The following FAM120C variants were observed in gnomAD, a reference collection of about 807,000 sequenced individuals.
The protein encoded by FAM120C is constitutive coactivator of PPAR-gamma-like protein 2.
A neutral mutation model predicts 71.2 loss-of-function variants in FAM120C; 14 were observed. The ratio of observed to expected loss-of-function variants is 0.20; its 90% CI spans 0.13 to 0.31. The LOEUF is 0.31. Among genes scored for constraint, FAM120C ranks in the 10% least tolerant of loss-of-function variants. The pLI is 1.00. For missense variants in FAM120C, 500 were observed against 879.0 expected (o/e 0.57, Z 5.45); for synonymous variants, 354 against 353.2 (o/e 1.00, Z -0.03).
At position 54,068,663 on chromosome X, in the gene FAM120C, T is replaced by G. The variant is rs1290787671; in HGVS notation, c.*4370A>C. 9.0e-6 allele frequency: 1 copy of G among 111,631 alleles called. No individual in the cohort carries two copies. The highest frequency in any genetic ancestry group is 3.3e-5 in the African/African-American group (1 of 30,684). 9.2% of individuals were successfully genotyped at this position (111,631 alleles called of 1,213,427 possible). A position where few individuals can be genotyped will look rare whatever the true frequency, so the allele number is the denominator to read the frequency against. On this transcript the variant is annotated 3_prime_UTR_variant, in exon 16 of 16. Coordinates refer to ENST00000375180, the MANE Select transcript of FAM120C (RefSeq NM_017848.6). ...AGATAGTAATACAGGAAAAAAACAATGAAATAATTTTTTACTTTTGTCAAT... is the reference window on the plus strand; with the variant it reads ...AGATAGTAATACAGGAAAAAAACAAGGAAATAATTTTTTACTTTTGTCAAT...
chrX:54,114,039 TACAC>T (rs201960191), intron 10 of FAM120C, among the ~76,000 whole-genome samples: 15,419 of 98,196 alleles, frequency 0.16, 2,197 homozygotes, highest in African/African-American at 0.45. Context: ...GAAAGTGTGA[TACAC>T]ACACACACAC....
chrX:54,129,623 C>T (rs1293725953), intron 9 of FAM120C, among the ~76,000 whole-genome samples: 1 of 112,205 alleles, frequency 8.9e-6, no homozygotes, highest in African/African-American at 3.2e-5. Context: ...GGGGTGGTGG[C>T]CAGGCAGAGG....
In FAM120C at chrX:54,073,281, A is replaced by C. The variant is rs1557120280; in HGVS notation, c.3043T>G (p.Ser1015Ala). The C allele has an allele frequency of 1.7e-6, 2 of 1,201,222 alleles. No homozygotes were observed. Among genetic ancestry groups the C allele is most frequent in the Admixed American group, 4.4e-5 (2 of 45,529 alleles). The change falls in exon 16 of 16, where the codon TCA (serine) becomes GCA (alanine). Residue 1015 changes from serine to alanine, a missense_variant. This residue lies in a region of FAM120C where 85 missense variants were observed against 96.1 expected (regional missense o/e 0.88). Coordinates refer to ENST00000375180, the MANE Select transcript of FAM120C (RefSeq NM_017848.6). ...TCCAGGGATTTAGAAACTCCATCTG[A>C]AGAGCCCTGTTAAAAACAGAGATAC... ...GHKKGNKQGS[S>A]DGVSKSLELH... is the part of the protein sequence containing the mutation.
Position 54,104,253 on chromosome X carries a change from T to C in FAM120C, c.2312+12292A>G, listed in dbSNP as rs1396537687. On this transcript the variant is annotated intron_variant, in intron 10 of 15. Transcript: ENST00000375180. ...CGCAAAGGTTCTGCCCTCCTCAAAC[T>C]GTATCAACCTTTCCTAGAAGACTCA... 3.6e-5 allele frequency among the ~76,000 whole-genome samples: 4 copies of C among 111,278 alleles called. No individual in the cohort carries two copies. In the East Asian group the frequency reaches 1.1e-3, roughly 31 times the overall value.
intron 10 of FAM120C, among the ~76,000 whole-genome samples, chrX:54,097,851 C>G (rs2066860514): frequency 9.1e-6 from 1 of 109,612 alleles, no homozygotes; most frequent in Admixed American, 9.9e-5. Context: ...CTCAGCCTCC[C>G]GAATAGCTGG....
chrX:54,126,606 T>C (rs2067028680), intron 9 of FAM120C, among the ~76,000 whole-genome samples: 1 of 112,629 alleles, frequency 8.9e-6, no homozygotes, highest in Non-Finnish European at 1.9e-5. Flanking sequence ...CTTCAGGAAG[T>C]TCCCTTCTAT....
chrX:54,161,773 G>C lies in FAM120C; in HGVS notation c.700-2157C>G, dbSNP rs782046471. Among the ~76,000 whole-genome samples the C allele has an allele frequency of 6.3e-5, 7 of 111,886 alleles. No homozygotes were observed. In the South Asian group the frequency reaches 1.5e-3, roughly 24 times the overall value. On this transcript the variant is annotated intron_variant, in intron 1 of 15. Coordinates refer to ENST00000375180, the MANE Select transcript of FAM120C (RefSeq NM_017848.6). ...CAGCCTCCTGAGTAGCCGGGGCTAC[G>C]GGCGCATGCCACCACACCTGGCTAA...
chrX:54,073,342 T>A, intron 15 of FAM120C, 55 bp from the exon 16 acceptor site: 1 of 1,125,160 alleles, frequency 8.9e-7, no homozygotes, highest in Non-Finnish European at 1.2e-6. Context: ...GGCTGACCCT[T>A]CCTAAGCATA....
At chrX:54,117,083 G>T (rs1045676606) in intron 9 of FAM120C, among the ~76,000 whole-genome samples, 1 of 110,755 alleles carries the variant, frequency 9.0e-6, no homozygotes, top group Non-Finnish European at 1.9e-5. Flanking sequence ...AAGGGGCTGG[G>T]TGTGGTGGTT....
At chrX:54,088,591 C>CAA (rs1230524883) in intron 11 of FAM120C, among the ~76,000 whole-genome samples, 638 of 32,098 alleles carry the variant, frequency 0.02, 44 homozygotes, top group South Asian at 0.055. Context: ...GACTCCATCT[C>CAA]AAAAAAAAAA....
At chrX:54,104,813 G>C (rs2066898514) in intron 10 of FAM120C, among the ~76,000 whole-genome samples, 1 of 109,130 alleles carries the variant, frequency 9.2e-6, no homozygotes, top group African/African-American at 3.4e-5. Flanking sequence ...GTCTCGGGGG[G>C]GGAAAAAAAA....
At position 54,071,835 on chromosome X, in the gene FAM120C, GTAAGAA is replaced by G. The variant is rs1341457396; in HGVS notation, c.*1192_*1197del. 1 of 109,554 alleles carries G rather than the reference GTAAGAA, an allele frequency of 9.1e-6. No homozygotes were observed. Among genetic ancestry groups the G allele is most frequent in the Non-Finnish European group, 1.9e-5 (1 of 52,654 alleles). 9.0% of individuals were successfully genotyped at this position (109,554 alleles called of 1,213,427 possible). On this transcript the variant is annotated 3_prime_UTR_variant, in exon 16 of 16. Coordinates refer to ENST00000375180, the MANE Select transcript of FAM120C (RefSeq NM_017848.6). Reference sequence around the variant, plus strand: ...ATAGTTGTGAATGCACTGTGACTTAGTAAGAATTTCAGATTAAAAGTGTGGTCTTTT... The same window carrying G: ...ATAGTTGTGAATGCACTGTGACTTAGTTTCAGATTAAAAGTGTGGTCTTTT...
At chrX:54,100,145 A>C (rs1283909995) in intron 10 of FAM120C, among the ~76,000 whole-genome samples, 1 of 110,915 alleles carries the variant, frequency 9.0e-6, no homozygotes, top group African/African-American at 3.3e-5. Flanking sequence ...CAGGAGTTTG[A>C]GACCAGCCTA....
At position 54,087,979 on chromosome X, in the gene FAM120C, G is replaced by A; in HGVS notation, c.2428-15C>T. The A allele has an allele frequency of 8.6e-7, 1 of 1,167,394 alleles. No individual in the cohort carries two copies. Among genetic ancestry groups the A allele is most frequent in the Non-Finnish European group, 1.2e-6 (1 of 858,761 alleles). On this transcript the variant is annotated splice_polypyrimidine_tract_variant and intron_variant, in intron 11 of 15. Coordinates refer to ENST00000375180, the MANE Select transcript of FAM120C (RefSeq NM_017848.6). ...AGTTTCTCAATCTGAAACCACCACAGATGAAATATTACTATTAAGAAACTA... is the reference window on the plus strand; with the variant it reads ...AGTTTCTCAATCTGAAACCACCACAAATGAAATATTACTATTAAGAAACTA...
At chrX:54,108,185 T>C (rs1229159107) in intron 10 of FAM120C, among the ~76,000 whole-genome samples, 1 of 108,734 alleles carries the variant, frequency 9.2e-6, no homozygotes, top group Non-Finnish European at 1.9e-5. Flanking sequence ...ATATCACACA[T>C]AATCATGGCG....
intron 9 of FAM120C, among the ~76,000 whole-genome samples, chrX:54,118,691 CTTTTTTTCTTTTTTTT>C (rs1353688818): frequency 2.9e-5 from 1 of 34,634 alleles, no homozygotes; most frequent in East Asian, 8.3e-4. Flanking sequence ...TTGTATTTTT[CTTTTTTTCTTTTTTTT>C]TTTTTTTTTT....
At chrX:54,103,429 T>C (rs1569531906) in intron 10 of FAM120C, among the ~76,000 whole-genome samples, 1 of 112,057 alleles carries the variant, frequency 8.9e-6, no homozygotes, top group African/African-American at 3.2e-5. Context: ...GGTCAGCAAA[T>C]CATTGCTTAG....
Position 54,072,474 on chromosome X carries a change from G to T in FAM120C, c.*559C>A. 1 of 108,969 alleles carries T rather than the reference G, an allele frequency of 9.2e-6. No individual in the cohort carries two copies. Among genetic ancestry groups the T allele is most frequent in the African/African-American group, 3.3e-5 (1 of 29,907 alleles). The allele number at this position is 108,969 out of a possible 1,213,427, so 9.0% of individuals were successfully genotyped here. A position where few individuals can be genotyped will look rare whatever the true frequency, so the allele number is the denominator to read the frequency against. On this transcript the variant is annotated 3_prime_UTR_variant, in exon 16 of 16. Coordinates refer to ENST00000375180, the MANE Select transcript of FAM120C (RefSeq NM_017848.6). ...CTTTTCTGAAAACATCTACCTATCT[G>T]ATTGTCAGGCCAAAGCTAGAGGTGG...
intron 10 of FAM120C, among the ~76,000 whole-genome samples, chrX:54,113,988 T>C (rs1409429592): frequency 1.8e-5 from 2 of 110,485 alleles, no homozygotes; most frequent in African/African-American, 6.6e-5. Flanking sequence ...AGCAAAGGTA[T>C]GGGATCAACC....
Sources: gnomAD v4.1 joint callset for allele counts (sites outside exome capture counted in the v4.1 genomes callset) on GRCh38, gnomAD v4.1.1 for gene constraint, gnomAD v4.1.1 regional missense constraint, MANE v1.5 for transcripts, NCBI Gene and HGNC (gene_info 2026-07-23, HGNC 2026-07-21) for gene names.